Variants in GSDME observed in about 807,000 individuals in gnomAD.
GSDME encodes the protein gasdermin-E.
A neutral mutation model predicts 47.5 loss-of-function variants in GSDME; 44 were observed. That is an observed-to-expected ratio of 0.93 (90% confidence interval 0.73 to 1.19). The LOEUF (loss-of-function observed/expected upper bound fraction) is 1.19, where lower values mean the gene tolerates loss of function less well. Among genes scored for constraint, GSDME ranks in the 50% most tolerant of loss-of-function variants. The pLI is 0.00. For missense variants in GSDME, 663 were observed against 604.2 expected, an observed-to-expected ratio of 1.10 and a Z score of -1.02; for synonymous variants, 258 against 252.8, an observed-to-expected ratio of 1.02 and a Z score of -0.20.
At chr7:24,774,040 A>G in the GSDME span, among the ~76,000 whole-genome samples, 9 of 152,100 alleles carry the variant, frequency 5.9e-5, no homozygotes, top group African/African-American at 1.9e-4. Context: ...AGGAGGAGAA[A>G]ATGTTGTCTT....
intron 3 of GSDME, among the ~76,000 whole-genome samples, chr7:24,734,792 A>G (rs1030886804): frequency 6.7e-6 from 1 of 149,990 alleles, no homozygotes; most frequent in East Asian, 1.9e-4. Context: ...AAATACACCT[A>G]AAAGACATAG....
the GSDME span, among the ~76,000 whole-genome samples, chr7:24,781,544 G>A: frequency 5.3e-5 from 8 of 152,036 alleles, no homozygotes; most frequent in African/African-American, 1.9e-4. Context: ...AGTATGTATT[G>A]GTTAGGTCTG....
At chr7:24,784,870 T>C in the GSDME span, among the ~76,000 whole-genome samples, 4 of 152,144 alleles carry the variant, frequency 2.6e-5, no homozygotes, top group South Asian at 6.2e-4. Context: ...TGCCTTTTTC[T>C]AGCCTCACTG....
chr7:24,706,095 T>C lies in GSDME; in HGVS notation c.1183+89A>G, dbSNP rs17149923. The C allele has an allele frequency of 1.8e-3, 2,701 of 1,490,544 alleles. 43 individuals carry two copies. The African/African-American group carries it at 0.032, about 18-fold the overall frequency. The allele number at this position is 1,490,544 out of a possible 1,614,324, so 92.3% of individuals were successfully genotyped here. On this transcript the variant is annotated intron_variant, in intron 8 of 9. Transcript: ENST00000645220. ...CTGTATGTACCATATCTTCCACAGT[T>C]ACCACCTCTGTGTCCCCAGAAGCAT...
chr7:24,727,964 C>T (rs190068458), intron 3 of GSDME, among the ~76,000 whole-genome samples: 8 of 152,312 alleles, frequency 5.3e-5, no homozygotes, highest in African/African-American at 1.7e-4. Flanking sequence ...TCCCACACTA[C>T]GAGTCGGGGG....
At chr7:24,781,766 CA>C in the GSDME span, among the ~76,000 whole-genome samples, 4 of 151,716 alleles carry the variant, frequency 2.6e-5, no homozygotes, top group Non-Finnish European at 5.9e-5. Context: ...GGGGTGGGGA[CA>C]AGGTTTCACT....
At chr7:24,761,813 A>G (rs1272862004), upstream of GSDME, among the ~76,000 whole-genome samples, 1 of 152,246 alleles carries the variant, frequency 6.6e-6, no homozygotes, top group East Asian at 1.9e-4. The surrounding 1 kb of genome is among the most constrained non-coding windows in gnomAD (Gnocchi z 4.4). Context: ...TAGAAGTCTT[A>G]TGACATAATC....
upstream of GSDME, among the ~76,000 whole-genome samples, chr7:24,759,359 G>A (rs1791129637): frequency 6.6e-6 from 1 of 151,898 alleles, no homozygotes; most frequent in African/African-American, 2.4e-5. Context: ...TGAACTTTTT[G>A]ATGCAACAGT....
rs1789886197 is a variant in GSDME, at chr7:24,724,099, T to C, written c.405-4881A>G. On this transcript the variant is annotated intron_variant, in intron 3 of 9. Coordinates refer to ENST00000645220, the MANE Select transcript of GSDME (RefSeq NM_001127453.2). This position sits in a 1 kb window ranked among gnomAD's most constrained non-coding sequence, Gnocchi z 4.8. Reference sequence around the variant, plus strand: ...GTCGCCTCTTGGGTGGGGAACCAGATGGCGGGGAGGGGCTTTTCACCTTTT... The same window carrying C: ...GTCGCCTCTTGGGTGGGGAACCAGACGGCGGGGAGGGGCTTTTCACCTTTT... Among the ~76,000 whole-genome samples, 1 of 151,442 alleles carries C rather than the reference T, an allele frequency of 6.6e-6. No homozygotes were observed. The highest frequency in any genetic ancestry group is 1.5e-5 in the Non-Finnish European group (1 of 67,922).
rs144824537 is a variant in GSDME, at chr7:24,741,326, G to C, written c.404+3236C>G. Among the ~76,000 whole-genome samples, 453 of 151,976 alleles carry C rather than the reference G, an allele frequency of 3.0e-3. 16 individuals carry two copies. The highest frequency in any genetic ancestry group is 0.024 in the Admixed American group (370 of 15,252). ...ATGAAAGCTTATTAAACACAAAAAT[G>C]AAAGAGCTTATCCGAGTCACTATGA... On this transcript the variant is annotated intron_variant, in intron 3 of 9. Coordinates refer to ENST00000645220, the MANE Select transcript of GSDME (RefSeq NM_001127453.2).
Position 24,733,048 on chromosome 7 carries a change from G to GA in GSDME, c.404+11513dup, listed in dbSNP as rs1341297848. ...TGCTTGAGGAGAGGAGAGGGAAGAGGAAAAAGGACTTTGTACTGTAACCAG... is the reference window on the plus strand; with the variant it reads ...TGCTTGAGGAGAGGAGAGGGAAGAGGAAAAAAGGACTTTGTACTGTAACCAG... On this transcript the variant is annotated intron_variant, in intron 3 of 9. Coordinates refer to ENST00000645220, the MANE Select transcript of GSDME (RefSeq NM_001127453.2). This position sits in a 1 kb window ranked among gnomAD's most constrained non-coding sequence, Gnocchi z 4.3. Among the ~76,000 whole-genome samples, 1 of 151,736 alleles carries GA rather than the reference G, an allele frequency of 6.6e-6. No individual in the cohort carries two copies. Among genetic ancestry groups the GA allele is most frequent in the Non-Finnish European group, 1.5e-5 (1 of 67,950 alleles).
the GSDME span, among the ~76,000 whole-genome samples, chr7:24,785,911 C>T: frequency 1.3e-5 from 2 of 152,356 alleles, no homozygotes; most frequent in African/African-American, 4.8e-5. Flanking sequence ...CCTCAATATA[C>T]ATATCCAATA....
chr7:24,768,444 C>T, the GSDME span, among the ~76,000 whole-genome samples: 44 of 152,148 alleles, frequency 2.9e-4, no homozygotes, highest in African/African-American at 9.6e-4. This position sits in a 1 kb window ranked among gnomAD's most constrained non-coding sequence, Gnocchi z 5.6. Context: ...TGCATGTCAA[C>T]GGGGAGGAGT....
At position 24,698,936 on chromosome 7, in the gene GSDME, C is replaced by A; in HGVS notation, c.*90G>T. Reference sequence around the variant, plus strand: ...CTTAAACTGTTCTGTAAATTCATTTCATTGGTCAACTTTTAACGTGCATAT... The same window carrying A: ...CTTAAACTGTTCTGTAAATTCATTTAATTGGTCAACTTTTAACGTGCATAT... On this transcript the variant is annotated 3_prime_UTR_variant, in exon 10 of 10. Transcript: ENST00000645220. The A allele has an allele frequency of 2.2e-6, 2 of 915,182 alleles. No homozygotes were observed. The highest frequency in any genetic ancestry group is 1.4e-5 in the South Asian group (1 of 70,880). 56.7% of individuals were successfully genotyped at this position (915,182 alleles called of 1,614,324 possible).
In GSDME at chr7:24,726,853, G is replaced by C. The variant is rs1789987291; in HGVS notation, c.405-7635C>G. Among the ~76,000 whole-genome samples the C allele has an allele frequency of 6.6e-6, 1 of 151,212 alleles. No homozygotes were observed. Among genetic ancestry groups the C allele is most frequent in the Non-Finnish European group, 1.5e-5 (1 of 67,870 alleles). On this transcript the variant is annotated intron_variant, in intron 3 of 9. Coordinates refer to ENST00000645220, the MANE Select transcript of GSDME (RefSeq NM_001127453.2). This position sits in a 1 kb window ranked among gnomAD's most constrained non-coding sequence, Gnocchi z 5.6. ...TGGCCTCGAGGAAGAGTTTCCAATG[G>C]AAACCCTGGGGAGCCTGGTAAGGCT...
the GSDME span, among the ~76,000 whole-genome samples, chr7:24,781,985 A>G: frequency 6.6e-6 from 1 of 152,120 alleles, no homozygotes; most frequent in Admixed American, 6.5e-5. Flanking sequence ...GCCTCAAGCA[A>G]TCCTCCCACT....
chr7:24,757,208 C>T lies in GSDME; in HGVS notation c.-20+188G>A, dbSNP rs1791057974. On this transcript the variant is annotated intron_variant, in intron 1 of 9. Coordinates refer to ENST00000645220, the MANE Select transcript of GSDME (RefSeq NM_001127453.2). This position sits in a 1 kb window ranked among gnomAD's most constrained non-coding sequence, Gnocchi z 5.9. ...GCGGGAGGCGAGGGGAGCGACGGGA[C>T]CTGCCGTTCCGGCGGCCGGGCAGCC... Among the ~76,000 whole-genome samples the T allele has an allele frequency of 6.6e-6, 1 of 151,748 alleles. No homozygotes were observed. Among genetic ancestry groups the T allele is most frequent in the Non-Finnish European group, 1.5e-5 (1 of 67,878 alleles).
rs188305483 is a variant in GSDME at position 24,721,289 on chromosome 7, G to A, written c.405-2071C>T. ...CAAATAGATAAGACATAGGAAAAAC[G>A]GGTTCAATCTTAGTACTGGTTAAGG... On this transcript the variant is annotated intron_variant, in intron 3 of 9. Coordinates refer to ENST00000645220, the MANE Select transcript of GSDME (RefSeq NM_001127453.2). The surrounding 1 kb of genome is among the most constrained non-coding windows in gnomAD (Gnocchi z 4.1). Among the ~76,000 whole-genome samples, 26 of 152,296 alleles carry A rather than the reference G, an allele frequency of 1.7e-4. No individual in the cohort carries two copies. The highest frequency in any genetic ancestry group is 6.0e-4 in the African/African-American group (25 of 41,546).
chr7:24,786,776 G>A, the GSDME span, among the ~76,000 whole-genome samples: 1 of 152,182 alleles, frequency 6.6e-6, no homozygotes, highest in Admixed American at 6.5e-5. This position sits in a 1 kb window ranked among gnomAD's most constrained non-coding sequence, Gnocchi z 5.5. Flanking sequence ...TAATATTACT[G>A]AATTGCATAC....
Sources: gnomAD v4.1 joint callset for allele counts (sites outside exome capture counted in the v4.1 genomes callset) on GRCh38, gnomAD v4.1.1 for gene constraint, Gnocchi (gnomAD v3.1) non-coding constraint, MANE v1.5 for transcripts, NCBI Gene and HGNC (gene_info 2026-07-23, HGNC 2026-07-21) for gene names.